Variants in CCR3 observed in about 807,000 individuals in gnomAD.
CCR3 encodes the protein C-C chemokine receptor type 3.
For synonymous variants in CCR3, 203 were observed against 179.2 expected (o/e 1.13, Z -1.06); for missense variants, 419 against 437.5 (o/e 0.96, Z 0.38).
At chr3:46,216,488 A>G (rs563703898) in intron 2 of CCR3, among the ~76,000 whole-genome samples, 3 of 152,354 alleles carry the variant, frequency 2.0e-5, no homozygotes, top group East Asian at 3.9e-4. Flanking sequence ...CAAGAAGCTC[A>G]AAGAACACCT....
At chr3:46,210,980 C>T (rs1699705008) in intron 2 of CCR3, 1 of 152,122 alleles carries the variant, frequency 6.6e-6, no homozygotes, top group South Asian at 2.1e-4. Context: ...ACTCCTAGGC[C>T]CACCCCCAGA....
rs1700606420 is a variant in CCR3 at position 46,265,524 on chromosome 3, T to G, written c.366T>G (p.Phe122Leu). 1 of 1,614,042 alleles carries G rather than the reference T, an allele frequency of 6.2e-7. No individual in the cohort carries two copies. The highest frequency in any genetic ancestry group is 1.3e-5 in the African/African-American group (1 of 74,924). ...FYHTGLYSEI[F>L]FIILLTIDRY... ...ACACAGGCTTGTACAGCGAGATCTT[T>G]TTCATAATCCTGCTGACAATCGACA... The change falls in exon 2 of 2, where the codon TTT becomes TTG. Residue 122 changes from phenylalanine to leucine, a missense_variant. Phe to Leu is a conservative substitution (Grantham distance 22). Coordinates refer to ENST00000395940, the MANE Select transcript of CCR3 (RefSeq NM_178329.3).
chr3:46,220,950 A>G (rs906323763), intron 2 of CCR3, among the ~76,000 whole-genome samples: 4 of 152,238 alleles, frequency 2.6e-5, no homozygotes, highest in Admixed American at 1.3e-4. Context: ...AATCACACCT[A>G]AGGAACTTAT....
intron 2 of CCR3, among the ~76,000 whole-genome samples, chr3:46,214,440 A>C (rs1301501253): frequency 6.6e-6 from 1 of 152,048 alleles, no homozygotes; most frequent in African/African-American, 2.4e-5. Context: ...TCATCTTGTC[A>C]GTTTTTCCTG....
chr3:46,225,746 T>C (rs1699887502), intron 2 of CCR3, among the ~76,000 whole-genome samples: 1 of 152,248 alleles, frequency 6.6e-6, no homozygotes, highest in Non-Finnish European at 1.5e-5. Flanking sequence ...TTTGACCATT[T>C]TCTAATTGGA....
chr3:46,239,318 TA>T (rs1700054692), upstream of CCR3, among the ~76,000 whole-genome samples: 1 of 152,382 alleles, frequency 6.6e-6, no homozygotes, highest in Non-Finnish European at 1.5e-5. Context: ...TAAATCTTTG[TA>T]ACCTTCTAGG....
intron 1 of CCR3, among the ~76,000 whole-genome samples, chr3:46,260,938 C>T (rs1700514925): frequency 6.6e-6 from 1 of 152,152 alleles, no homozygotes; most frequent in Non-Finnish European, 1.5e-5. Context: ...ATTTTAAAAT[C>T]CTTGTAATAA....
At chr3:46,227,731 T>C (rs539899281) in intron 2 of CCR3, among the ~76,000 whole-genome samples, 1 of 152,304 alleles carries the variant, frequency 6.6e-6, no homozygotes, top group East Asian at 1.9e-4. Flanking sequence ...TTTGTTTTCA[T>C]TTAGTTCTGT....
intron 1 of CCR3, among the ~76,000 whole-genome samples, chr3:46,245,612 G>A (rs552315819): frequency 4.2e-4 from 64 of 151,896 alleles, no homozygotes; most frequent in African/African-American, 1.5e-3. Context: ...TTGTTACGTA[G>A]GTAAACTCGT....
chr3:46,242,980 CACAT>C (rs1575496620), intron 1 of CCR3, among the ~76,000 whole-genome samples: 2 of 98,914 alleles, frequency 2.0e-5, no homozygotes, highest in Admixed American at 9.8e-5. Context: ...TATATATATA[CACAT>C]ATATATATAT....
rs75091503 is a variant in CCR3, at chr3:46,233,684, T to G, written c.-67-8718T>G. On this transcript the variant is annotated intron_variant, in intron 2 of 3. Transcript: ENST00000357422. ...GAACCCCAAAAGAAGCATCAAAAAT[T>G]TCTTTCCCGTGGTAGGAAAAGCCAG... Among the ~76,000 whole-genome samples, 204 of 152,320 alleles carry G rather than the reference T, an allele frequency of 1.3e-3. 3 individuals carry two copies. The East Asian group carries it at 0.037, about 28-fold the overall frequency.
intron 2 of CCR3, among the ~76,000 whole-genome samples, chr3:46,219,431 T>C (rs868793604): frequency 8.5e-5 from 13 of 152,124 alleles, no homozygotes; most frequent in Middle Eastern, 6.8e-3. Context: ...ATAAATTCAA[T>C]GCAATTCTCA....
chr3:46,213,939 T>C (rs758578779), intron 2 of CCR3, among the ~76,000 whole-genome samples: 1 of 152,188 alleles, frequency 6.6e-6, no homozygotes, highest in Non-Finnish European at 1.5e-5. Flanking sequence ...ATTCCTTTGC[T>C]CTTTTCTGAT....
intron 2 of CCR3, among the ~76,000 whole-genome samples, chr3:46,236,733 AC>A (rs1700029077): frequency 6.6e-6 from 1 of 152,160 alleles, no homozygotes; most frequent in Non-Finnish European, 1.5e-5. Context: ...ACATAGTGGG[AC>A]CCTAGTGGGA....
At chr3:46,219,444 A>C (rs945754861) in intron 2 of CCR3, among the ~76,000 whole-genome samples, 1 of 152,196 alleles carries the variant, frequency 6.6e-6, no homozygotes, top group Non-Finnish European at 1.5e-5. Flanking sequence ...AATTCTCATC[A>C]AAATGTCATC....
intron 1 of CCR3, among the ~76,000 whole-genome samples, chr3:46,242,980 C>A (rs112064913): frequency 1.0e-5 from 1 of 98,912 alleles, no homozygotes; most frequent in Admixed American, 9.8e-5. Context: ...TATATATATA[C>A]ACATATATAT....
intron 2 of CCR3, among the ~76,000 whole-genome samples, chr3:46,229,957 G>A (rs1018465704): frequency 2.6e-5 from 4 of 152,184 alleles, no homozygotes; most frequent in Admixed American, 2.0e-4. Flanking sequence ...TATCCCATGA[G>A]TGGACGCTGG....
intron 1 of CCR3, among the ~76,000 whole-genome samples, chr3:46,261,949 C>T (rs989467335): frequency 6.6e-6 from 1 of 152,186 alleles, no homozygotes; most frequent in Non-Finnish European, 1.5e-5. Context: ...CAAACCACCA[C>T]AGCAGGTTCC....
At chr3:46,226,026 C>A (rs1014121063) in intron 2 of CCR3, among the ~76,000 whole-genome samples, 1 of 152,174 alleles carries the variant, frequency 6.6e-6, no homozygotes, top group Non-Finnish European at 1.5e-5. Context: ...TCTATTTGTT[C>A]TTTGATCAGT....
Sources: gnomAD v4.1 joint callset for allele counts (sites outside exome capture counted in the v4.1 genomes callset) on GRCh38, gnomAD v4.1.1 for gene constraint, MANE v1.5 for transcripts, NCBI Gene and HGNC (gene_info 2026-07-23, HGNC 2026-07-21) for gene names.